ABCB5: variants seen among roughly 807,000 people sequenced by gnomAD.
ABCB5 encodes ATP binding cassette subfamily B member 5.
A neutral mutation model predicts 144.2 loss-of-function variants in ABCB5; 155 were observed. That is an observed-to-expected ratio of 1.08 (90% CI 0.94 to 1.23). The LOEUF is 1.23. ABCB5 is among the 50% of genes most tolerant of loss of function. ABCB5 has a pLI of 0.00. For synonymous variants in ABCB5, 610 were observed against 528.6 expected (o/e 1.15, Z -2.11); for missense variants, 1,830 against 1,520.8 (o/e 1.20, Z -3.38).
chr7:20,739,290 C>G, intron 24 of ABCB5, 151 bp downstream of exon 24: 1 of 686,118 alleles, frequency 1.5e-6, no homozygotes, highest in South Asian at 3.9e-5. Context: ...TCATTCATAC[C>G]CCAAACATCA....
intron 13 of ABCB5, among the ~76,000 whole-genome samples, chr7:20,654,404 A>T (rs1221936020): frequency 1.3e-5 from 2 of 152,196 alleles, no homozygotes; most frequent in Non-Finnish European, 2.9e-5. Flanking sequence ...GAGAAAGACA[A>T]ATCCACAACT....
chr7:20,667,119 GT>G, intron 14 of ABCB5: 1 of 788,894 alleles, frequency 1.3e-6, no homozygotes, highest in Non-Finnish European at 1.6e-6. Context: ...CTGAGGCACA[GT>G]TTTTTCCCTT....
chr7:20,734,690 G>T (rs1782328445), intron 23 of ABCB5, among the ~76,000 whole-genome samples: 1 of 152,010 alleles, frequency 6.6e-6, no homozygotes, highest in Admixed American at 6.6e-5. Flanking sequence ...TATGGTAGAA[G>T]CCGTCTCTAT....
At chr7:20,726,933 C>T in intron 21 of ABCB5, 107 bp from the exon 22 acceptor site, 1 of 609,036 alleles carries the variant, frequency 1.6e-6, no homozygotes. Context: ...AACTTACTGA[C>T]TTGATATACT....
At chr7:20,666,401 G>C (rs1319463445) in intron 14 of ABCB5, among the ~76,000 whole-genome samples, 1 of 152,138 alleles carries the variant, frequency 6.6e-6, no homozygotes, top group Non-Finnish European at 1.5e-5. Context: ...AAATGCTTGA[G>C]GCTTTGTATT....
In ABCB5 at chr7:20,677,754, A is replaced by G. The variant is rs531471733; in HGVS notation, c.1708-3751A>G. On this transcript the variant is annotated intron_variant, in intron 14 of 27. Transcript: ENST00000404938. Reference sequence around the variant, plus strand: ...AATAATTAATTAATTAATTTAGTTTATAAAAGTACCCTTTGCCCCTCTTTC... The same window carrying G: ...AATAATTAATTAATTAATTTAGTTTGTAAAAGTACCCTTTGCCCCTCTTTC... Among the ~76,000 whole-genome samples the G allele has an allele frequency of 4.6e-5, 7 of 152,260 alleles. No homozygotes were observed. In the South Asian group the frequency reaches 1.5e-3, roughly 32 times the overall value.
intron 14 of ABCB5, chr7:20,659,248 C>A (rs1480173566): frequency 5.9e-6 from 9 of 1,531,364 alleles, no homozygotes; most frequent in Non-Finnish European, 7.9e-6. Flanking sequence ...TACACTGAAT[C>A]TAGGAGGGGA....
chr7:20,729,464 T>C (rs1037501495), intron 23 of ABCB5, among the ~76,000 whole-genome samples: 1 of 152,186 alleles, frequency 6.6e-6, no homozygotes, highest in Non-Finnish European at 1.5e-5. Context: ...ACATTTGGAA[T>C]TGAATGTGGT....
intron 19 of ABCB5, among the ~76,000 whole-genome samples, chr7:20,703,451 G>T (rs1203496558): frequency 6.6e-6 from 1 of 152,132 alleles, no homozygotes. Context: ...CCAACACAGT[G>T]GCTCAGGGTG....
chr7:20,752,178 T>C (rs10266329), intron 26 of ABCB5, among the ~76,000 whole-genome samples: 44,658 of 152,120 alleles, frequency 0.29, 6,978 homozygotes, highest in Non-Finnish European at 0.36. Flanking sequence ...GATTAATCTT[T>C]CTGGCTATAC....
intron 1 of ABCB5, among the ~76,000 whole-genome samples, chr7:20,617,045 T>C (rs1362599039): frequency 6.6e-6 from 1 of 152,200 alleles, no homozygotes; most frequent in Admixed American, 6.5e-5. Context: ...AAATACCACA[T>C]TACTCTTCAT....
At chr7:20,658,979 T>G (rs12700227) in intron 14 of ABCB5, 1 of 1,459,936 alleles carries the variant, frequency 6.8e-7, no homozygotes, top group Admixed American at 1.7e-5. Context: ...GGCCCACCAC[T>G]ATCATCACTA....
chr7:20,666,110 C>A (rs762934555), intron 14 of ABCB5, among the ~76,000 whole-genome samples: 2 of 148,770 alleles, frequency 1.3e-5, no homozygotes, highest in Non-Finnish European at 3.0e-5. Context: ...GTGGAGGTTG[C>A]GGTGAGCCGA....
At chr7:20,662,144 CATT>C (rs1409771335) in intron 14 of ABCB5, among the ~76,000 whole-genome samples, 2 of 152,192 alleles carry the variant, frequency 1.3e-5, no homozygotes, top group African/African-American at 4.8e-5. Flanking sequence ...TCTAAGGCAT[CATT>C]ATTATTAAGG....
chr7:20,666,700 G>A, intron 14 of ABCB5: 1 of 1,566,070 alleles, frequency 6.4e-7, no homozygotes, highest in Non-Finnish European at 8.6e-7. Flanking sequence ...TTAGCTTTGT[G>A]TAATCTGTGA....
intron 3 of ABCB5, among the ~76,000 whole-genome samples, chr7:20,627,687 T>C (rs1783940220): frequency 2.6e-5 from 3 of 116,100 alleles, no homozygotes; most frequent in East Asian, 6.9e-4. Context: ...CCCTTAAATA[T>C]CCTATTTACA....
chr7:20,623,477 A>C (rs1783843153), intron 2 of ABCB5, 139 bp downstream of exon 2: 2 of 702,410 alleles, frequency 2.8e-6, no homozygotes, highest in Admixed American at 5.6e-5. Context: ...CTTGAACATA[A>C]GCAGTCTTAT....
At chr7:20,694,388 T>C (rs1427863129) in intron 16 of ABCB5, among the ~76,000 whole-genome samples, 1 of 152,016 alleles carries the variant, frequency 6.6e-6, no homozygotes, top group East Asian at 1.9e-4. Flanking sequence ...TCTCAATCAA[T>C]GCAGAAAACC....
intron 16 of ABCB5, among the ~76,000 whole-genome samples, chr7:20,690,260 A>T (rs576701037): frequency 6.6e-6 from 1 of 152,364 alleles, no homozygotes; most frequent in African/African-American, 2.4e-5. Flanking sequence ...ATTTTAATAT[A>T]ACATTGCCCT....
Sources: gnomAD v4.1 joint callset for allele counts (sites outside exome capture counted in the v4.1 genomes callset) on GRCh38, gnomAD v4.1.1 for gene constraint, MANE v1.5 for transcripts, NCBI Gene and HGNC (gene_info 2026-07-23, HGNC 2026-07-21) for gene names.